Variants in XKR6 observed in about 807,000 individuals in gnomAD.
XKR6 encodes XK related 6, also known as XK-related protein 6.
XKR6 carries 22 observed loss-of-function variants against 56.7 expected under a neutral mutation model. That is an observed-to-expected ratio of 0.39 (90% CI 0.28 to 0.55). The LOEUF (loss-of-function observed/expected upper bound fraction) is 0.55, where lower values mean the gene tolerates loss of function less well. Ranked by LOEUF, XKR6 falls within the 20% of genes least tolerant of loss-of-function variation. The probability of loss-of-function intolerance (pLI) is 0.66; values close to 1 mark genes in which losing one functional copy is unlikely to be tolerated. For missense variants in XKR6, 852 were observed against 889.0 expected (o/e 0.96, Z 0.53); for synonymous variants, 524 against 387.8 (o/e 1.35, Z -4.13).
At chr8:11,175,769 C>G (rs1476272783) in intron 1 of XKR6, among the ~76,000 whole-genome samples, 3 of 152,118 alleles carry the variant, frequency 2.0e-5, no homozygotes, top group Non-Finnish European at 4.4e-5. Context: ...CTCCTACTAG[C>G]CCAGTGATAC....
intron 1 of XKR6, among the ~76,000 whole-genome samples, chr8:11,152,209 G>C (rs1801301782): frequency 6.6e-6 from 1 of 152,184 alleles, no homozygotes; most frequent in African/African-American, 2.4e-5. Context: ...GCTATCAGCT[G>C]TGAGATACAG....
intron 1 of XKR6, among the ~76,000 whole-genome samples, chr8:11,072,725 G>A (rs962679038): frequency 1.3e-5 from 2 of 152,202 alleles, no homozygotes; most frequent in African/African-American, 4.8e-5. Flanking sequence ...CAGAGTGTCT[G>A]AACTGTGCCT....
intron 1 of XKR6, among the ~76,000 whole-genome samples, chr8:11,083,736 A>G (rs1038483985): frequency 4.6e-5 from 7 of 152,212 alleles, no homozygotes; most frequent in African/African-American, 7.2e-5. Context: ...CTTAGTATCA[A>G]TAAGAGATCT....
chr8:11,131,813 T>G (rs1055198740), intron 1 of XKR6, among the ~76,000 whole-genome samples: 2 of 152,190 alleles, frequency 1.3e-5, no homozygotes. Context: ...CACTATTCAG[T>G]AGAGTAACGT....
chr8:11,162,516 T>C (rs927793507), intron 1 of XKR6, among the ~76,000 whole-genome samples: 1 of 152,164 alleles, frequency 6.6e-6, no homozygotes, highest in African/African-American at 2.4e-5. Flanking sequence ...AAGTACCAGG[T>C]AGTTTTGTTT....
intron 1 of XKR6, among the ~76,000 whole-genome samples, chr8:11,073,341 G>T (rs1800182910): frequency 6.6e-6 from 1 of 152,110 alleles, no homozygotes; most frequent in African/African-American, 2.4e-5. Context: ...ACTACATTGG[G>T]TCTTTGGGGG....
intron 1 of XKR6, among the ~76,000 whole-genome samples, chr8:10,963,274 A>G (rs1287759802): frequency 2.0e-5 from 3 of 152,198 alleles, no homozygotes; most frequent in African/African-American, 4.8e-5. Context: ...GGCACTGGCA[A>G]TCCCCTCTGT....
chr8:11,195,036 T>C (rs1803796446), intron 1 of XKR6: 4 of 656,028 alleles, frequency 6.1e-6, no homozygotes, highest in Non-Finnish European at 1.1e-5. Context: ...AGAGATGTTC[T>C]CTTCTTATTC....
intron 1 of XKR6, chr8:11,063,114 C>T (rs74425460): frequency 0.013 from 3,407 of 264,318 alleles, 44 homozygotes; most frequent in Non-Finnish European, 0.02. Context: ...TGTAATCCTA[C>T]TGCCATAGAA....
chr8:11,045,352 T>G (rs547174947), intron 1 of XKR6, among the ~76,000 whole-genome samples: 1 of 152,052 alleles, frequency 6.6e-6, no homozygotes, highest in African/African-American at 2.4e-5. Context: ...CCTCCCAGAG[T>G]GCTGGGATTA....
At chr8:11,054,224 T>C (rs1425737648) in intron 1 of XKR6, among the ~76,000 whole-genome samples, 2 of 152,200 alleles carry the variant, frequency 1.3e-5, no homozygotes, top group South Asian at 2.1e-4. Flanking sequence ...CTTCTGGACA[T>C]GGCCATTGTT....
intron 1 of XKR6, among the ~76,000 whole-genome samples, chr8:10,938,322 C>G (rs1307541436): frequency 6.6e-6 from 1 of 152,206 alleles, no homozygotes; most frequent in Non-Finnish European, 1.5e-5. Flanking sequence ...GTGAGATGAA[C>G]CCGGTACCTC....
intron 1 of XKR6, chr8:11,104,770 T>A (rs1418593232): frequency 6.6e-6 from 1 of 152,230 alleles, no homozygotes; most frequent in Admixed American, 6.5e-5. Flanking sequence ...GTTATCCACA[T>A]CGCTTCTTGG....
intron 1 of XKR6, among the ~76,000 whole-genome samples, chr8:10,957,523 C>A (rs1237169873): frequency 6.6e-6 from 1 of 152,158 alleles, no homozygotes; most frequent in Non-Finnish European, 1.5e-5. Context: ...GGGGATGATA[C>A]ATCAATGTCT....
At chr8:11,082,929 C>T (rs1797772423) in intron 1 of XKR6, among the ~76,000 whole-genome samples, 1 of 152,238 alleles carries the variant, frequency 6.6e-6, no homozygotes, top group African/African-American at 2.4e-5. Flanking sequence ...GTATTTATTT[C>T]TCGTCTTTAT....
chr8:11,178,551 T>C (rs909192459), intron 1 of XKR6, among the ~76,000 whole-genome samples: 3 of 116,336 alleles, frequency 2.6e-5, no homozygotes, highest in Non-Finnish European at 4.7e-5. Context: ...GGTAAAAATA[T>C]ATATATATAT....
chr8:11,182,215 G>A (rs1477834795), intron 1 of XKR6, among the ~76,000 whole-genome samples: 16 of 152,212 alleles, frequency 1.1e-4, no homozygotes, highest in Non-Finnish European at 1.5e-5. Flanking sequence ...TGTTGACCTT[G>A]CTATAAGGTG....
chr8:11,055,505 C>T (rs980346855), intron 1 of XKR6, among the ~76,000 whole-genome samples: 1 of 152,166 alleles, frequency 6.6e-6, no homozygotes, highest in Non-Finnish European at 1.5e-5. Context: ...TCTAGGAGAG[C>T]CACAGGCCTC....
At chr8:10,929,700 T>G (rs13439728) in intron 1 of XKR6, among the ~76,000 whole-genome samples, 1 of 152,184 alleles carries the variant, frequency 6.6e-6, no homozygotes, top group Non-Finnish European at 1.5e-5. Flanking sequence ...CAGGACATGA[T>G]GGACGAATGA....
Sources: allele counts gnomAD v4.1 joint callset (sites outside exome capture counted in the v4.1 genomes callset), GRCh38; gene constraint gnomAD v4.1.1; transcripts MANE v1.5; gene names NCBI Gene and HGNC (gene_info 2026-07-23, HGNC 2026-07-21).